VAPA: variants seen among roughly 807,000 people sequenced by gnomAD.
VAPA encodes the protein vesicle-associated membrane protein-associated protein A.
VAPA carries 6 observed loss-of-function variants against 25.6 expected under a neutral mutation model. The observed-to-expected ratio is 0.23, with a 90% CI of 0.13 to 0.46. The LOEUF is 0.46. Among genes scored for constraint, VAPA ranks in the 20% least tolerant of loss-of-function variants. The pLI is 0.99. For missense variants in VAPA, 244 were observed against 302.1 expected (o/e 0.81, Z 1.43); for synonymous variants, 112 against 106.2 (o/e 1.05, Z -0.34).
intron 1 of VAPA, chr18:9,924,158 C>T (rs1185433106): frequency 2.7e-5 from 4 of 150,902 alleles, no homozygotes. Flanking sequence ...TTATATTTTC[C>T]CCTAGCAAAA....
Position 9,955,394 on chromosome 18 carries a change from T to C in VAPA, c.*1183T>C, listed in dbSNP as rs576529623. The C allele has an allele frequency of 1.3e-5, 2 of 152,200 alleles. No homozygotes were observed. Among genetic ancestry groups the C allele is most frequent in the East Asian group, 3.8e-4 (2 of 5,200 alleles). The allele number at this position is 152,200 out of a possible 1,614,324, so 9.4% of individuals were successfully genotyped here. ...AACCATGTGAAACACATTTTCAGTATAAGTATGCGTTACAGGGTTTGATAC... is the reference window on the plus strand; with the variant it reads ...AACCATGTGAAACACATTTTCAGTACAAGTATGCGTTACAGGGTTTGATAC... On this transcript the variant is annotated 3_prime_UTR_variant, in exon 6 of 6. Coordinates refer to ENST00000400000, the MANE Select transcript of VAPA (RefSeq NM_194434.3).
chr18:9,923,753 C>CA (rs1016191701), intron 1 of VAPA, among the ~76,000 whole-genome samples: 1 of 152,006 alleles, frequency 6.6e-6, no homozygotes, highest in African/African-American at 2.4e-5. Context: ...AACAGATCCC[C>CA]AAAAAATCTG....
chr18:9,957,984 A>T lies in VAPA; in HGVS notation c.*3773A>T, dbSNP rs1267017586. On this transcript the variant is annotated 3_prime_UTR_variant, in exon 6 of 6. Coordinates refer to ENST00000400000, the MANE Select transcript of VAPA (RefSeq NM_194434.3). ...AGCCGCTCGTGGGTTGGTGCAAAGAAGTATAAACATATATCACTAAGGAAA... is the reference window on the plus strand; with the variant it reads ...AGCCGCTCGTGGGTTGGTGCAAAGATGTATAAACATATATCACTAAGGAAA... The T allele has an allele frequency of 6.6e-6, 1 of 152,364 alleles. No individual in the cohort carries two copies. The highest frequency in any genetic ancestry group is 1.9e-4 in the East Asian group (1 of 5,184). The allele number at this position is 152,364 out of a possible 1,614,324, so 9.4% of individuals were successfully genotyped here.
At position 9,950,435 on chromosome 18, in the gene VAPA, C is replaced by T. The variant is rs752269840; in HGVS notation, c.458C>T (p.Ser153Phe). ...EPSKAVPLNA[S>F]KQDGPMPKPH... ...AGCAAAGCTGTTCCACTGAATGCAT[C>T]TAAGCAAGATGGACCTATGCCAAAA... Residue 153 changes from serine to phenylalanine, a missense_variant, in exon 5 of 6, where the codon TCT (serine) becomes TTT (phenylalanine). Transcript: ENST00000400000. The T allele has an allele frequency of 6.2e-7, 1 of 1,613,910 alleles. No homozygotes were observed. The highest frequency in any genetic ancestry group is 1.3e-5 in the African/African-American group (1 of 74,906).
At chr18:9,952,228 G>C (rs537133066) in intron 5 of VAPA, among the ~76,000 whole-genome samples, 1 of 152,056 alleles carries the variant, frequency 6.6e-6, no homozygotes, top group African/African-American at 2.4e-5. Flanking sequence ...CTAGTGTTCT[G>C]TATGAGATTT....
rs879157181 is a variant in VAPA, at chr18:9,936,269, T to A, written c.336+56T>A. The A allele has an allele frequency of 5.3e-6, 6 of 1,126,924 alleles. No homozygotes were observed. The South Asian group carries it at 1.3e-4, about 24-fold the overall frequency. 69.8% of individuals were successfully genotyped at this position (1,126,924 alleles called of 1,614,324 possible). A position where few individuals can be genotyped will look rare whatever the true frequency, so the allele number is the denominator to read the frequency against. On this transcript the variant is annotated intron_variant, in intron 3 of 5. Coordinates refer to ENST00000400000, the MANE Select transcript of VAPA (RefSeq NM_194434.3). ...AGTGGAGTTTAAACTGTGGGTGTTG[T>A]TTAGCAGTCAGTAGAAAAACTTAAT... is the stretch of plus-strand genomic sequence containing the variant.
chr18:9,949,136 T>C (rs369780303), intron 4 of VAPA: 1 of 152,194 alleles, frequency 6.6e-6, no homozygotes, highest in Non-Finnish European at 1.5e-5. Flanking sequence ...TGAAACAGTT[T>C]TTTAATAATA....
intron 1 of VAPA, among the ~76,000 whole-genome samples, chr18:9,927,551 C>T (rs1488758851): frequency 2.7e-5 from 4 of 150,174 alleles, no homozygotes; most frequent in Non-Finnish European, 5.9e-5. Context: ...GAATAAAGGT[C>T]CCGCTATTTA....
intron 5 of VAPA, among the ~76,000 whole-genome samples, chr18:9,953,649 T>C (rs1011333264): frequency 6.6e-6 from 1 of 152,164 alleles, no homozygotes; most frequent in African/African-American, 2.4e-5. Flanking sequence ...TGATTTTAAA[T>C]ACCATGGGCC....
At chr18:9,927,346 C>T (rs1182184223) in intron 1 of VAPA, among the ~76,000 whole-genome samples, 2 of 152,088 alleles carry the variant, frequency 1.3e-5, no homozygotes, top group Non-Finnish European at 2.9e-5. Flanking sequence ...GCTAGCTGTT[C>T]CCCTCCTCCA....
rs1245622047 is a variant in VAPA, at chr18:9,956,707, G to C, written c.*2496G>C. ...AATTGACTGATAATATGATAATATA[G>C]AGATTAAATTGTTTGTCTTCATTCC... On this transcript the variant is annotated 3_prime_UTR_variant, in exon 6 of 6. Coordinates refer to ENST00000400000, the MANE Select transcript of VAPA (RefSeq NM_194434.3). 2.0e-5 allele frequency: 3 copies of C among 152,582 alleles called. No homozygotes were observed. The highest frequency in any genetic ancestry group is 4.4e-5 in the Non-Finnish European group (3 of 68,026). 9.5% of individuals were successfully genotyped at this position (152,582 alleles called of 1,614,324 possible).
chr18:9,924,261 A>G (rs1403054144), intron 1 of VAPA, among the ~76,000 whole-genome samples: 1 of 152,176 alleles, frequency 6.6e-6, no homozygotes, highest in East Asian at 1.9e-4. Flanking sequence ...CCTGTCTAGA[A>G]TCCAAAAACT....
intron 4 of VAPA, among the ~76,000 whole-genome samples, chr18:9,938,873 GT>G (rs2069337540): frequency 6.6e-6 from 1 of 152,128 alleles, no homozygotes; most frequent in Non-Finnish European, 1.5e-5. Flanking sequence ...ACAATGACTA[GT>G]TTGTGGTTAA....
chr18:9,957,436 TTAACAGTA>T lies in VAPA; in HGVS notation c.*3226_*3233del. On this transcript the variant is annotated 3_prime_UTR_variant, in exon 6 of 6. Coordinates refer to ENST00000400000, the MANE Select transcript of VAPA (RefSeq NM_194434.3). The stretch of plus-strand genomic sequence containing the variant: ...GATTACACCACTTTGAAAACAAGTT[TTAACAGTA>T]GGGTAAAAATATAGTTTTTGAGGGT... 1 of 152,342 alleles carries T rather than the reference TTAACAGTA, an allele frequency of 6.6e-6. No homozygotes were observed. Among genetic ancestry groups the T allele is most frequent in the African/African-American group, 2.4e-5 (1 of 41,580 alleles). 9.4% of individuals were successfully genotyped at this position (152,342 alleles called of 1,614,324 possible).
chr18:9,920,107 AT>A (rs1191418516), intron 1 of VAPA, among the ~76,000 whole-genome samples: 1 of 152,082 alleles, frequency 6.6e-6, no homozygotes, highest in East Asian at 1.9e-4. Context: ...AATGCATCTT[AT>A]TTGGGGGTGT....
chr18:9,923,850 TA>T (rs977921289), intron 1 of VAPA: 4 of 152,346 alleles, frequency 2.6e-5, no homozygotes, highest in Non-Finnish European at 4.4e-5. Context: ...GGTACATGTT[TA>T]AAAGTCCCTT....
intron 4 of VAPA, among the ~76,000 whole-genome samples, chr18:9,942,911 C>T (rs374420001): frequency 2.2e-4 from 34 of 152,172 alleles, no homozygotes; most frequent in East Asian, 1.5e-3. Context: ...TGGGATTTGC[C>T]GGGGGACACA....
At chr18:9,935,094 CAA>C (rs34998578) in intron 2 of VAPA, among the ~76,000 whole-genome samples, 33 of 86,860 alleles carry the variant, frequency 3.8e-4, no homozygotes, top group Admixed American at 4.0e-4. Flanking sequence ...GACTCCGTCT[CAA>C]AAAAAAAAAA....
At chr18:9,934,744 T>C (rs539111924) in intron 2 of VAPA, among the ~76,000 whole-genome samples, 11 of 152,352 alleles carry the variant, frequency 7.2e-5, no homozygotes, top group African/African-American at 1.9e-4. Flanking sequence ...ATTGGACTCA[T>C]GTTACATAAA....
Sources: gnomAD v4.1 joint callset for allele counts (sites outside exome capture counted in the v4.1 genomes callset) on GRCh38, gnomAD v4.1.1 for gene constraint, MANE v1.5 for transcripts, NCBI Gene and HGNC (gene_info 2026-07-23, HGNC 2026-07-21) for gene names.